GPC5: variants seen among roughly 807,000 people sequenced by gnomAD.
GPC5 encodes the protein glypican-5.
Under a neutral mutation model 53.9 loss-of-function variants are expected in GPC5, and 47 were observed. The observed-to-expected ratio is 0.87, with a 90% CI of 0.69 to 1.11. The LOEUF (loss-of-function observed/expected upper bound fraction) is 1.11, where lower values mean the gene tolerates loss of function less well. Among genes scored for constraint, GPC5 ranks in the 50% most tolerant of loss-of-function variants. GPC5 has a pLI of 0.00. For synonymous variants in GPC5, 286 were observed against 263.3 expected, an observed-to-expected ratio of 1.09 and a Z score of -0.84; for missense variants, 748 against 713.1, an observed-to-expected ratio of 1.05 and a Z score of -0.56.
chr13:92,830,013 G>A (rs1877998021), intron 7 of GPC5, among the ~76,000 whole-genome samples: 1 of 152,022 alleles, frequency 6.6e-6, no homozygotes. Flanking sequence ...CTGGTACTTG[G>A]AGCATTAAGG....
In GPC5 at chr13:92,733,045, C is replaced by A. The variant is rs565149565; in HGVS notation, c.1562-133237C>A. On this transcript the variant is annotated intron_variant, in intron 7 of 7. Coordinates refer to ENST00000377067, the MANE Select transcript of GPC5 (RefSeq NM_004466.6). ...TGTTTCTTGAACAAAATGTTCTTAC[C>A]AATACGGGACAACAATTGAAGGATT... is the stretch of plus-strand genomic sequence containing the variant. Among the ~76,000 whole-genome samples, 3 of 151,726 alleles carry A rather than the reference C, an allele frequency of 2.0e-5. No individual in the cohort carries two copies. In the East Asian group the frequency reaches 5.8e-4, roughly 30 times the overall value.
At chr13:91,721,645 C>T (rs544376733) in intron 3 of GPC5, among the ~76,000 whole-genome samples, 6 of 152,244 alleles carry the variant, frequency 3.9e-5, no homozygotes, top group African/African-American at 1.4e-4. Context: ...CCTCATCCCC[C>T]TAGGCTCCCC....
chr13:92,852,596 G>A (rs1452997021), intron 7 of GPC5, among the ~76,000 whole-genome samples: 2 of 151,958 alleles, frequency 1.3e-5, no homozygotes, highest in Admixed American at 1.3e-4. Flanking sequence ...TTAGAGATGG[G>A]ATCTCACTCT....
chr13:92,154,192 A>G (rs2041927019), intron 7 of GPC5, among the ~76,000 whole-genome samples: 1 of 152,144 alleles, frequency 6.6e-6, no homozygotes, highest in Non-Finnish European at 1.5e-5. Flanking sequence ...TCTCTCATGC[A>G]TTCAGAGCTA....
At chr13:91,478,166 TA>T (rs995928081) in intron 2 of GPC5, among the ~76,000 whole-genome samples, 13 of 152,078 alleles carry the variant, frequency 8.5e-5, no homozygotes, top group African/African-American at 2.4e-4. Context: ...CATAAAACTT[TA>T]AAAAAAAGTT....
intron 7 of GPC5, among the ~76,000 whole-genome samples, chr13:92,158,362 A>G (rs1253907679): frequency 1.3e-5 from 2 of 152,194 alleles, no homozygotes; most frequent in Admixed American, 6.5e-5. Context: ...AAATCTACAA[A>G]GGAAAATTCA....
At chr13:92,299,994 T>A (rs2043064443) in intron 7 of GPC5, among the ~76,000 whole-genome samples, 1 of 152,160 alleles carries the variant, frequency 6.6e-6, no homozygotes, top group African/African-American at 2.4e-5. Flanking sequence ...CCAAAACCAT[T>A]GTTACTGTTT....
At chr13:91,768,133 T>G (rs1396390042) in intron 5 of GPC5, among the ~76,000 whole-genome samples, 2 of 152,172 alleles carry the variant, frequency 1.3e-5, no homozygotes, top group African/African-American at 4.8e-5. Context: ...GAATGATTTA[T>G]TATATATTAA....
chr13:91,819,730 G>C (rs1460965369), intron 5 of GPC5, among the ~76,000 whole-genome samples: 1 of 151,930 alleles, frequency 6.6e-6, no homozygotes, highest in Non-Finnish European at 1.5e-5. Context: ...TATAATTGTT[G>C]CACGTGCCTA....
chr13:91,699,857 C>T (rs369443023), intron 3 of GPC5, among the ~76,000 whole-genome samples: 1 of 152,148 alleles, frequency 6.6e-6, no homozygotes, highest in African/African-American at 2.4e-5. Context: ...TGTTGAGGAA[C>T]TTCTTACTCC....
At chr13:92,425,374 T>G (rs76715006) in intron 7 of GPC5, among the ~76,000 whole-genome samples, 1 of 152,160 alleles carries the variant, frequency 6.6e-6, no homozygotes, top group African/African-American at 2.4e-5. Flanking sequence ...CTCTAAAAAT[T>G]ATGGCTAATG....
intron 7 of GPC5, among the ~76,000 whole-genome samples, chr13:92,505,362 T>C (rs1458579607): frequency 1.3e-5 from 2 of 151,960 alleles, no homozygotes; most frequent in Non-Finnish European, 2.9e-5. Flanking sequence ...TGTGAAAAGA[T>C]GTTTAAAATC....
At chr13:91,939,015 A>C (rs2039899486) in intron 6 of GPC5, among the ~76,000 whole-genome samples, 1 of 152,220 alleles carries the variant, frequency 6.6e-6, no homozygotes, top group South Asian at 2.1e-4. Flanking sequence ...GTCATTACTT[A>C]GATACTGTAA....
chr13:92,166,656 T>C (rs1485017293), intron 7 of GPC5, among the ~76,000 whole-genome samples: 2 of 152,130 alleles, frequency 1.3e-5, no homozygotes, highest in Non-Finnish European at 1.5e-5. Context: ...AGGTTTGTGC[T>C]TGTGCTGAAT....
chr13:91,689,533 C>A (rs1302992371), intron 2 of GPC5, among the ~76,000 whole-genome samples: 1 of 150,934 alleles, frequency 6.6e-6, no homozygotes, highest in Admixed American at 6.6e-5. Flanking sequence ...TTTGTAGTAA[C>A]ATTTAGCTTA....
chr13:91,908,144 C>CT, intron 6 of GPC5, 87 bp downstream of exon 6: 1 of 1,070,362 alleles, frequency 9.3e-7, no homozygotes, highest in Non-Finnish European at 1.3e-6. Context: ...TTTGTTAATC[C>CT]TGTCAGATAA....
At chr13:92,165,805 G>T (rs1054299639) in intron 7 of GPC5, among the ~76,000 whole-genome samples, 4 of 152,256 alleles carry the variant, frequency 2.6e-5, no homozygotes, top group African/African-American at 9.6e-5. Context: ...GCCTGTTCTG[G>T]ATATATCCAT....
At chr13:92,542,866 A>T (rs2139004289) in intron 7 of GPC5, among the ~76,000 whole-genome samples, 1 of 152,078 alleles carries the variant, frequency 6.6e-6, no homozygotes, top group East Asian at 1.9e-4. Flanking sequence ...TCTATTAATG[A>T]TTCCCTTATA....
chr13:92,546,260 G>A (rs1393079954), intron 7 of GPC5, among the ~76,000 whole-genome samples: 1 of 152,120 alleles, frequency 6.6e-6, no homozygotes, highest in East Asian at 1.9e-4. Flanking sequence ...TGTATATCTA[G>A]AAAACCCCAT....
Sources: gnomAD v4.1 joint callset for allele counts (sites outside exome capture counted in the v4.1 genomes callset) on GRCh38, gnomAD v4.1.1 for gene constraint, MANE v1.5 for transcripts, NCBI Gene and HGNC (gene_info 2026-07-23, HGNC 2026-07-21) for gene names.